The following NSMCE2 variants were observed in gnomAD, a reference collection of about 807,000 sequenced individuals.
NSMCE2 encodes E3 SUMO-protein ligase NSE2.
A neutral mutation model predicts 23.8 loss-of-function variants in NSMCE2; 24 were observed. That is an observed-to-expected ratio of 1.01 (90% CI 0.73 to 1.42). The LOEUF is 1.42. NSMCE2 is among the 40% of genes most tolerant of loss of function. The pLI, the probability that NSMCE2 is intolerant of heterozygous loss-of-function variation, is 0.00. For synonymous variants in NSMCE2, 92 were observed against 94.1 expected (o/e 0.98, Z 0.13); for missense variants, 284 against 296.5 (o/e 0.96, Z 0.31).
chr8:125,126,982 CTT>C (rs1207161918), intron 3 of NSMCE2: 1 of 152,180 alleles, frequency 6.6e-6, no homozygotes, highest in Admixed American at 6.6e-5. Flanking sequence ...GAGGTGGATG[CTT>C]TGGAGCTTTT....
chr8:125,180,250 C>T (rs573273301), intron 4 of NSMCE2, among the ~76,000 whole-genome samples: 3 of 152,236 alleles, frequency 2.0e-5, no homozygotes, highest in East Asian at 3.9e-4. Flanking sequence ...GAGCTTTATT[C>T]GTTCTTTAGC....
intron 5 of NSMCE2, among the ~76,000 whole-genome samples, chr8:125,353,529 A>C (rs1813124627): frequency 6.6e-6 from 1 of 152,176 alleles, no homozygotes; most frequent in Non-Finnish European, 1.5e-5. Flanking sequence ...GCCATGAGCA[A>C]TATAATTTCC....
chr8:125,123,964 T>G (rs900827128), intron 3 of NSMCE2, among the ~76,000 whole-genome samples: 14 of 152,182 alleles, frequency 9.2e-5, no homozygotes, highest in Non-Finnish European at 1.8e-4. Flanking sequence ...TATTCAGAGA[T>G]ATATAACCAT....
chr8:125,275,676 G>A (rs1033632965), intron 5 of NSMCE2, among the ~76,000 whole-genome samples: 8 of 152,206 alleles, frequency 5.3e-5, no homozygotes, highest in African/African-American at 1.2e-4. Context: ...AAGAGGAAAC[G>A]AAGTACTATT....
chr8:125,208,815 C>G (rs1020090113), intron 5 of NSMCE2, among the ~76,000 whole-genome samples: 1 of 151,976 alleles, frequency 6.6e-6, no homozygotes, highest in Admixed American at 6.6e-5. Flanking sequence ...AGTTGTTTTC[C>G]CAAGAAGGTA....
In NSMCE2 at chr8:125,358,359, T is replaced by G. The variant is rs146918953; in HGVS notation, c.626+541T>G. The stretch of plus-strand genomic sequence containing the variant: ...AAAAAAAAAAAAGGTTTAGGTAAAT[T>G]CATGGCTAACTCATGAATGATAAAT... On this transcript the variant is annotated intron_variant, in intron 7 of 7. Transcript: ENST00000287437. Among the ~76,000 whole-genome samples, 472 of 151,792 alleles carry G rather than the reference T, an allele frequency of 3.1e-3. 1 individual carries two copies. Among genetic ancestry groups the G allele is most frequent in the African/African-American group, 0.011 (459 of 41,406 alleles).
chr8:125,148,394 A>G (rs1289402959), intron 3 of NSMCE2, among the ~76,000 whole-genome samples: 2 of 152,196 alleles, frequency 1.3e-5, no homozygotes, highest in African/African-American at 2.4e-5. Context: ...TTCGTTTTGC[A>G]GCTCTTTTGT....
At chr8:125,361,254 G>A (rs796808660) in intron 7 of NSMCE2, among the ~76,000 whole-genome samples, 7 of 152,132 alleles carry the variant, frequency 4.6e-5, no homozygotes, top group African/African-American at 1.7e-4. Context: ...TTTTAGTAGA[G>A]ACAGGGTTTC....
At chr8:125,339,143 C>T (rs1830156001) in intron 5 of NSMCE2, among the ~76,000 whole-genome samples, 1 of 152,198 alleles carries the variant, frequency 6.6e-6, no homozygotes, top group African/African-American at 2.4e-5. Flanking sequence ...GCAGTGTCTT[C>T]TGTCAGGTCT....
intron 5 of NSMCE2, among the ~76,000 whole-genome samples, chr8:125,341,322 T>A (rs1275316495): frequency 6.6e-6 from 1 of 152,216 alleles, no homozygotes. Context: ...CTATTTGGGA[T>A]CTTTATATTT....
intron 1 of NSMCE2, among the ~76,000 whole-genome samples, chr8:125,096,541 G>GTTT (rs113915534): frequency 1.1e-5 from 1 of 89,048 alleles, no homozygotes; most frequent in African/African-American, 4.1e-5. Flanking sequence ...AGTGTTATTT[G>GTTT]TTTTTTTTTT....
In NSMCE2 at chr8:125,151,247, T is replaced by C; in HGVS notation, c.234T>C (p.Tyr78=). The part of the protein sequence containing the change: ...FATLDRQLNH[Y]VKAVQSTINH... The stretch of plus-strand genomic sequence containing the variant: ...CATTGGATCGGCAACTAAACCATTA[T>C]GTAAAGGCTGTTCAATCTACAATAA... Residue 78 remains tyrosine (Y), a synonymous_variant, in exon 4 of 8, where the codon TAT becomes TAC. Coordinates refer to ENST00000287437, the MANE Select transcript of NSMCE2 (RefSeq NM_173685.4). 4 of 1,599,458 alleles carry C rather than the reference T, an allele frequency of 2.5e-6. No individual in the cohort carries two copies. Among genetic ancestry groups the C allele is most frequent in the African/African-American group, 1.3e-5 (1 of 74,778 alleles).
chr8:125,345,409 CTTT>C (rs1416818379), intron 5 of NSMCE2, among the ~76,000 whole-genome samples: 1 of 152,196 alleles, frequency 6.6e-6, no homozygotes, highest in Non-Finnish European at 1.5e-5. Flanking sequence ...CTATTTTCAT[CTTT>C]TTATTGTGGT....
At chr8:125,120,384 T>C (rs2130490560) in intron 3 of NSMCE2, among the ~76,000 whole-genome samples, 1 of 152,350 alleles carries the variant, frequency 6.6e-6, no homozygotes, top group Admixed American at 6.5e-5. Context: ...ATTTGTCACT[T>C]TTCTACCCTA....
At chr8:125,301,051 T>G (rs1241895815) in intron 5 of NSMCE2, among the ~76,000 whole-genome samples, 4 of 152,218 alleles carry the variant, frequency 2.6e-5, no homozygotes, top group Non-Finnish European at 4.4e-5. Flanking sequence ...ACTATTTTTG[T>G]GAAGTATGGC....
At chr8:125,302,854 A>T (rs1185578919) in intron 5 of NSMCE2, among the ~76,000 whole-genome samples, 1 of 152,138 alleles carries the variant, frequency 6.6e-6, no homozygotes, top group African/African-American at 2.4e-5. Context: ...CTGCAAGACC[A>T]CTGCTCAGGA....
chr8:125,311,504 G>A lies in NSMCE2; in HGVS notation c.419-45715G>A, dbSNP rs1295117676. Among the ~76,000 whole-genome samples, 3 of 152,204 alleles carry A rather than the reference G, an allele frequency of 2.0e-5. No homozygotes were observed. The East Asian group carries it at 5.8e-4, about 29-fold the overall frequency. Reference sequence around the variant, plus strand: ...AGAAGTTCTTGATAAAATTGTCAGCGTGAGTATGCCACTGAATTAATAAGC... The same window carrying A: ...AGAAGTTCTTGATAAAATTGTCAGCATGAGTATGCCACTGAATTAATAAGC... On this transcript the variant is annotated intron_variant, in intron 5 of 7. Transcript: ENST00000287437.
At chr8:125,345,937 C>A (rs991345240) in intron 5 of NSMCE2, among the ~76,000 whole-genome samples, 2 of 152,326 alleles carry the variant, frequency 1.3e-5, no homozygotes, top group Non-Finnish European at 2.9e-5. Flanking sequence ...AGGCAGATCA[C>A]CTGAGGGCAG....
intron 5 of NSMCE2, among the ~76,000 whole-genome samples, chr8:125,308,412 G>T (rs541605295): frequency 6.6e-6 from 1 of 152,272 alleles, no homozygotes; most frequent in South Asian, 2.1e-4. Context: ...TTGAGTCAGA[G>T]AAGTCTTTTT....
Sources: gnomAD v4.1 joint callset for allele counts (sites outside exome capture counted in the v4.1 genomes callset) on GRCh38, gnomAD v4.1.1 for gene constraint, MANE v1.5 for transcripts, NCBI Gene and HGNC (gene_info 2026-07-23, HGNC 2026-07-21) for gene names.